ADGRL2: variants seen among roughly 807,000 people sequenced by gnomAD.
The protein encoded by ADGRL2 is adhesion G protein-coupled receptor L2.
In ADGRL2, 44 loss-of-function variants were observed where a neutral mutation model predicts 157.4. The observed-to-expected ratio is 0.28, with a 90% confidence interval of 0.22 to 0.36. The LOEUF (loss-of-function observed/expected upper bound fraction) is 0.36. ADGRL2 is among the 10% of genes least tolerant of loss of function. ADGRL2 has a pLI of 1.00. For missense variants in ADGRL2, 1,510 were observed against 1,768.9 expected (o/e 0.85, Z 2.63); for synonymous variants, 585 against 624.7 (o/e 0.94, Z 0.95).
intron 1 of ADGRL2, among the ~76,000 whole-genome samples, chr1:81,757,200 C>T (rs2149291277): frequency 1.3e-5 from 2 of 152,242 alleles, no homozygotes; most frequent in South Asian, 4.1e-4. Flanking sequence ...TTTAACCAAC[C>T]TAAGTTAATG....
chr1:81,605,633 C>T (rs1570620073), intron 3 of ADGRL2, among the ~76,000 whole-genome samples: 1 of 152,294 alleles, frequency 6.6e-6, no homozygotes, highest in East Asian at 1.9e-4. Flanking sequence ...TCTGATGATG[C>T]CATCAGCTAC....
chr1:81,309,954 AT>A (rs1659628376), intron 1 of ADGRL2, among the ~76,000 whole-genome samples: 1 of 152,166 alleles, frequency 6.6e-6, no homozygotes, highest in Non-Finnish European at 1.5e-5. Flanking sequence ...AACAATTAAA[AT>A]TTTGATGCAA....
chr1:81,448,296 C>T (rs2077639640), intron 2 of ADGRL2, among the ~76,000 whole-genome samples: 1 of 151,624 alleles, frequency 6.6e-6, no homozygotes, highest in Non-Finnish European at 1.5e-5. Flanking sequence ...CAGGTATACG[C>T]CACCACACCC....
intron 1 of ADGRL2, among the ~76,000 whole-genome samples, chr1:81,834,808 C>T (rs1049000213): frequency 5.3e-5 from 8 of 152,178 alleles, no homozygotes; most frequent in African/African-American, 1.9e-4. Flanking sequence ...TCAGAAACAA[C>T]CACTTACATG....
In ADGRL2 at chr1:81,991,060, G is replaced by T. The variant is rs1317184327; in HGVS notation, c.4325G>T (p.Gly1442Val). 1.9e-6 allele frequency: 3 copies of T among 1,613,752 alleles called. No individual in the cohort carries two copies. The highest frequency in any genetic ancestry group is 1.1e-5 in the South Asian group (1 of 91,084). ...CYQISRGNSD[G>V]YIIPINKEGC... ...CAGATCAGCAGGGGCAATAGTGATG[G>T]TTATATAATCCCCATTAACAAAGAA... The change falls in exon 24 of 24, where the codon GGT becomes GTT. Residue 1442 changes from glycine to valine, a missense_variant. Coordinates refer to ENST00000686636, the MANE Select transcript of ADGRL2 (RefSeq NM_001366006.2).
rs912749231 is a variant in ADGRL2, at chr1:81,566,491, G to A, written c.-247-14385G>A. On this transcript the variant is annotated intron_variant, in intron 2 of 24. Coordinates refer to the ADGRL2 transcript ENST00000370721. ...AACTCTAGCCAACTCTGAAAATGCA[G>A]GAGTCTATTGAAAATTTTGCATTCA... is the stretch of plus-strand genomic sequence containing the variant. Among the ~76,000 whole-genome samples, 6 of 152,220 alleles carry A rather than the reference G, an allele frequency of 3.9e-5. No individual in the cohort carries two copies. The East Asian group carries it at 9.6e-4, about 24-fold the overall frequency.
At chr1:81,529,011 TAAA>T (rs1453321693) in intron 2 of ADGRL2, among the ~76,000 whole-genome samples, 1 of 152,156 alleles carries the variant, frequency 6.6e-6, no homozygotes, top group Non-Finnish European at 1.5e-5. Context: ...GAGCCAAAAG[TAAA>T]ACCTAAATGT....
intron 1 of ADGRL2, among the ~76,000 whole-genome samples, chr1:81,830,604 T>C (rs968786791): frequency 6.6e-6 from 1 of 152,000 alleles, no homozygotes; most frequent in Non-Finnish European, 1.5e-5. Context: ...ACCTTCCGGG[T>C]TCAAGCGATT....
intron 1 of ADGRL2, among the ~76,000 whole-genome samples, chr1:81,327,033 C>A (rs1358525167): frequency 6.6e-6 from 1 of 152,078 alleles, no homozygotes; most frequent in Non-Finnish European, 1.5e-5. Flanking sequence ...CAAATAAAGC[C>A]CAAAATGCTT....
At chr1:81,709,366 T>C (rs1336263681) in intron 1 of ADGRL2, among the ~76,000 whole-genome samples, 2 of 152,172 alleles carry the variant, frequency 1.3e-5, no homozygotes, top group Non-Finnish European at 2.9e-5. Context: ...TGAATGGTGC[T>C]CCTTTCCTGC....
intron 1 of ADGRL2, among the ~76,000 whole-genome samples, chr1:81,398,075 CTT>C (rs1417877072): frequency 6.6e-6 from 1 of 152,106 alleles, no homozygotes; most frequent in Non-Finnish European, 1.5e-5. Context: ...TTCTTTGTCT[CTT>C]TTTACAGTTT....
intron 2 of ADGRL2, among the ~76,000 whole-genome samples, chr1:81,520,416 A>T: frequency 6.6e-6 from 1 of 151,996 alleles, no homozygotes; most frequent in Non-Finnish European, 1.5e-5. Context: ...TTGAACTTAA[A>T]CACCTTTTAA....
intron 1 of ADGRL2, among the ~76,000 whole-genome samples, chr1:81,406,107 CAA>C (rs1156241468): frequency 1.3e-5 from 2 of 152,130 alleles, no homozygotes; most frequent in Non-Finnish European, 1.5e-5. Context: ...GAGATCAGAA[CAA>C]GAGGAGGTAC....
chr1:81,510,561 A>C (rs1193281871), intron 2 of ADGRL2, among the ~76,000 whole-genome samples: 1 of 152,198 alleles, frequency 6.6e-6, no homozygotes, highest in Non-Finnish European at 1.5e-5. Context: ...TACATTCTCA[A>C]GGTTGGAAAT....
intron 1 of ADGRL2, among the ~76,000 whole-genome samples, chr1:81,819,224 G>T (rs968680975): frequency 1.3e-5 from 2 of 152,130 alleles, no homozygotes; most frequent in African/African-American, 4.8e-5. Flanking sequence ...AGACAGATAT[G>T]AGAAGTTTTG....
intron 2 of ADGRL2, among the ~76,000 whole-genome samples, chr1:81,458,218 T>G (rs2077845682): frequency 1.3e-5 from 2 of 152,168 alleles, no homozygotes; most frequent in Admixed American, 6.5e-5. Context: ...TTTGTGATGT[T>G]TTGTTTATTG....
intron 1 of ADGRL2, among the ~76,000 whole-genome samples, chr1:81,391,195 T>C (rs988113760): frequency 6.6e-6 from 1 of 152,306 alleles, no homozygotes; most frequent in Non-Finnish European, 1.5e-5. Flanking sequence ...CAAACTCATT[T>C]TTTGAGCACT....
upstream of ADGRL2, among the ~76,000 whole-genome samples, chr1:81,698,022 G>T (rs752880842): frequency 2.6e-5 from 4 of 152,128 alleles, no homozygotes; most frequent in Non-Finnish European, 5.9e-5. Context: ...ATGGTGATAG[G>T]CATTAAAAGC....
chr1:81,577,581 G>A (rs369423980), intron 2 of ADGRL2, among the ~76,000 whole-genome samples: 3 of 152,072 alleles, frequency 2.0e-5, no homozygotes, highest in Admixed American at 1.3e-4. Flanking sequence ...TTAAGCCTTC[G>A]CCTCTGCAAA....
Sources: gnomAD v4.1 joint callset for allele counts (sites outside exome capture counted in the v4.1 genomes callset) on GRCh38, gnomAD v4.1.1 for gene constraint, MANE v1.5 for transcripts, NCBI Gene and HGNC (gene_info 2026-07-23, HGNC 2026-07-21) for gene names.